ABCA10: variants seen among roughly 807,000 people sequenced by gnomAD.
ABCA10 encodes ATP binding cassette subfamily A member 10, also known as ATP-binding cassette sub-family A member 10.
ABCA10 carries 169 observed loss-of-function variants against 187.5 expected under a neutral mutation model. The observed-to-expected ratio is 0.90, with a 90% CI of 0.80 to 1.02. ABCA10 has a LOEUF of 1.02. ABCA10 is among the 50% of genes least tolerant of loss of function. The pLI is 0.00. For synonymous variants in ABCA10, 574 were observed against 601.8 expected (o/e 0.95, Z 0.68); for missense variants, 1,727 against 1,812.4 (o/e 0.95, Z 0.86).
intron 34 of ABCA10, among the ~76,000 whole-genome samples, chr17:69,152,878 G>A (rs2074141193): frequency 6.6e-6 from 1 of 152,032 alleles, no homozygotes; most frequent in Non-Finnish European, 1.5e-5. Flanking sequence ...AATAGAAATT[G>A]TGTTATATTG....
rs1568063815 is a variant in ABCA10 at position 69,194,415 on chromosome 17, T to C, written c.1315A>G (p.Ile439Val). ...NGAGKSTLLN[I>V]LSGLSVSTEG... ...GTAGAAACAGACAATCCACTAAGAA[T>C]GTTTAGCAGTGTTGATTTACCAGCT... The change falls in exon 12 of 39, where the codon ATT becomes GTT. Residue 439 changes from isoleucine to valine, a missense_variant. Ile to Val is a conservative substitution (Grantham distance 29). Coordinates refer to ENST00000690296, the MANE Select transcript of ABCA10 (RefSeq NM_001377321.1). 1.2e-6 allele frequency: 2 copies of C among 1,612,722 alleles called. No homozygotes were observed. Among genetic ancestry groups the C allele is most frequent in the Admixed American group, 1.7e-5 (1 of 59,974 alleles).
intron 22 of ABCA10, chr17:69,175,743 CTCCCGTTTCCACAGGGGATATAT>C (rs1190866792): frequency 6.5e-6 from 2 of 305,748 alleles, no homozygotes; most frequent in Non-Finnish European, 1.2e-5. Context: ...ATACGGTAGT[CTCCCGTTTCCACAGGGGATATAT>C]TCCAAGACTC....
chr17:69,223,726 T>A (rs1381966414), intron 3 of ABCA10: 2 of 414,814 alleles, frequency 4.8e-6, no homozygotes, highest in Non-Finnish European at 4.7e-6. Context: ...GTATAAAAAA[T>A]ACTGTCAAGG....
Position 69,152,307 on chromosome 17 carries a change from G to C in ABCA10, c.4256+55C>G, listed in dbSNP as rs540261959. The C allele has an allele frequency of 3.2e-6, 5 of 1,585,784 alleles. No individual in the cohort carries two copies. In the East Asian group the frequency reaches 6.7e-5, roughly 21 times the overall value. On this transcript the variant is annotated intron_variant, in intron 35 of 38. Transcript: ENST00000690296. Reference sequence around the variant, plus strand: ...GAGCATCAGCTGTTCATAGCAAACTGAAACTCTCTCTATAAGAACATGCTA... The same window carrying C: ...GAGCATCAGCTGTTCATAGCAAACTCAAACTCTCTCTATAAGAACATGCTA...
chr17:69,219,044 AT>A lies in ABCA10; in HGVS notation c.530+500del, dbSNP rs139686494. 1.6e-3 allele frequency among the ~76,000 whole-genome samples: 247 copies of A among 152,212 alleles called. 1 individual carries two copies. The highest frequency in any genetic ancestry group is 5.8e-3 in the African/African-American group (240 of 41,530). ...ACTTACTTTAATGAGATTTTATTAT[AT>A]ATGATGTGAGCAGGAGCTTGAAATG... On this transcript the variant is annotated intron_variant, in intron 6 of 38. Transcript: ENST00000690296.
chr17:69,203,228 G>C (rs948547847), intron 9 of ABCA10, among the ~76,000 whole-genome samples: 46 of 152,130 alleles, frequency 3.0e-4, no homozygotes, highest in African/African-American at 1.0e-3. Flanking sequence ...AACAGATCTA[G>C]AGTTGAACTA....
intron 25 of ABCA10, among the ~76,000 whole-genome samples, chr17:69,168,585 A>G (rs1256246576): frequency 6.6e-6 from 1 of 152,230 alleles, no homozygotes; most frequent in Non-Finnish European, 1.5e-5. Flanking sequence ...ACACTTTGTT[A>G]AATAGTTACT....
At chr17:69,199,635 T>A (rs977521054) in intron 10 of ABCA10, among the ~76,000 whole-genome samples, 4 of 152,222 alleles carry the variant, frequency 2.6e-5, no homozygotes, top group African/African-American at 9.6e-5. Context: ...CTGAATAGGA[T>A]GACTAGCATC....
At chr17:69,181,381 C>T (rs1488603174) in intron 22 of ABCA10, among the ~76,000 whole-genome samples, 1 of 152,054 alleles carries the variant, frequency 6.6e-6, no homozygotes, top group Non-Finnish European at 1.5e-5. Context: ...GAGTTTTCAA[C>T]AGTCCTATGA....
At chr17:69,175,802 G>A (rs2074330361) in intron 22 of ABCA10, 1 of 225,028 alleles carries the variant, frequency 4.4e-6, no homozygotes, top group Non-Finnish European at 8.7e-6. Flanking sequence ...AACCTGGATA[G>A]TACCAAACCC....
At chr17:69,149,155 A>G in intron 37 of ABCA10, 67 bp from the exon 38 acceptor site, 1 of 1,539,674 alleles carries the variant, frequency 6.5e-7, no homozygotes, top group Non-Finnish European at 9.0e-7. Flanking sequence ...AAGTCATACA[A>G]TAGAGACAGT....
chr17:69,242,844 T>C (rs1189986760), intron 1 of ABCA10, among the ~76,000 whole-genome samples: 1 of 152,198 alleles, frequency 6.6e-6, no homozygotes, highest in African/African-American at 2.4e-5. Flanking sequence ...AACGTAATAA[T>C]AAAACCTAAA....
At chr17:69,171,566 T>C (rs1385757576) in intron 25 of ABCA10, among the ~76,000 whole-genome samples, 1 of 152,188 alleles carries the variant, frequency 6.6e-6, no homozygotes, top group African/African-American at 2.4e-5. Context: ...TGGTATTGGC[T>C]GAGAATTTTC....
intron 29 of ABCA10, 71 bp downstream of exon 29, chr17:69,155,734 C>T: frequency 1.1e-5 from 17 of 1,511,190 alleles, no homozygotes; most frequent in Non-Finnish European, 1.5e-5. Flanking sequence ...AAAATAAAAA[C>T]CAACATCTCA....
chr17:69,224,969 A>T (rs1204710357), intron 3 of ABCA10, among the ~76,000 whole-genome samples: 1 of 152,156 alleles, frequency 6.6e-6, no homozygotes, highest in Admixed American at 6.6e-5. Flanking sequence ...GAAACTCTTT[A>T]AATTATAGAA....
At chr17:69,222,124 G>A (rs1018035238) in intron 4 of ABCA10, among the ~76,000 whole-genome samples, 2 of 152,114 alleles carry the variant, frequency 1.3e-5, no homozygotes, top group Non-Finnish European at 2.9e-5. Context: ...GGAGGCCGAG[G>A]CGGGTGGATC....
At position 69,155,031 on chromosome 17, in the gene ABCA10, A is replaced by G; in HGVS notation, c.3682T>C (p.Cys1228Arg). 1.9e-6 allele frequency: 3 copies of G among 1,593,722 alleles called. No individual in the cohort carries two copies. Among genetic ancestry groups the G allele is most frequent in the Non-Finnish European group, 2.6e-6 (3 of 1,163,396 alleles). Residue 1228 changes from cysteine to arginine, a missense_variant, in exon 30 of 39, where the codon TGT becomes CGT. Cys to Arg is a radical substitution (Grantham distance 180). Coordinates refer to ENST00000690296, the MANE Select transcript of ABCA10 (RefSeq NM_001377321.1). ...KKIAIRNVSF[C>R]VKKGEVLGLL... ...CAATTGTTCAAACCTTTTTTAACAC[A>G]AAAGGAAACATTTCTGATGGCTATT... is the stretch of plus-strand genomic sequence containing the variant.
At chr17:69,242,836 C>T (rs1475107231) in intron 1 of ABCA10, among the ~76,000 whole-genome samples, 1 of 152,076 alleles carries the variant, frequency 6.6e-6, no homozygotes, top group Admixed American at 6.6e-5. Flanking sequence ...TTGGATGAAA[C>T]GTAATAATAA....
intron 23 of ABCA10, 27 bp from the exon 24 acceptor site, chr17:69,174,804 A>T (rs763396150): frequency 9.9e-6 from 15 of 1,513,650 alleles, no homozygotes; most frequent in African/African-American, 1.4e-5. Context: ...GGGATAGAGG[A>T]AGGGATCTTA....
Sources: allele counts gnomAD v4.1 joint callset (sites outside exome capture counted in the v4.1 genomes callset), GRCh38; gene constraint gnomAD v4.1.1; transcripts MANE v1.5; gene names NCBI Gene and HGNC (gene_info 2026-07-23, HGNC 2026-07-21).